NTRK3: variants seen among roughly 807,000 people sequenced by gnomAD.
NTRK3 encodes the protein NT-3 growth factor receptor.
A neutral mutation model predicts 91.7 loss-of-function variants in NTRK3; 24 were observed. The ratio of observed to expected loss-of-function variants is 0.26; its 90% CI spans 0.19 to 0.37. NTRK3 has a LOEUF of 0.37. Among genes scored for constraint, NTRK3 ranks in the 10% least tolerant of loss-of-function variants. The probability of loss-of-function intolerance (pLI) is 1.00; values close to 1 mark genes in which losing one functional copy is unlikely to be tolerated. For synonymous variants in NTRK3, 483 were observed against 404.0 expected, an observed-to-expected ratio of 1.20 and a Z score of -2.34; for missense variants, 880 against 1,068.9, an observed-to-expected ratio of 0.82 and a Z score of 2.46.
chr15:88,104,316 T>G (rs1027375368), intron 13 of NTRK3, among the ~76,000 whole-genome samples: 1 of 152,246 alleles, frequency 6.6e-6, no homozygotes, highest in Admixed American at 6.5e-5. Flanking sequence ...AAAATACATT[T>G]ATCAGCTTCC....
chr15:87,989,706 AAG>A lies in NTRK3; in HGVS notation c.1585+43149_1585+43150del, dbSNP rs1194693609. On this transcript the variant is annotated intron_variant, in intron 14 of 18. Transcript: ENST00000394480. ...ATCTAGTGCTGACACGAAAAAAAAA[AAG>A]AGATTCTCATGCCTCAGCCACTTAA... Among the ~76,000 whole-genome samples, 4 of 152,270 alleles carry A rather than the reference AAG, an allele frequency of 2.6e-5. No individual in the cohort carries two copies. In the East Asian group the frequency reaches 5.8e-4, roughly 22 times the overall value.
intron 14 of NTRK3, among the ~76,000 whole-genome samples, chr15:88,024,393 T>A (rs2077849966): frequency 6.6e-6 from 1 of 152,212 alleles, no homozygotes; most frequent in Non-Finnish European, 1.5e-5. Flanking sequence ...GTAGGTTGTC[T>A]GCTCTATCCC....
Position 87,880,198 on chromosome 15 carries a change from G to T in NTRK3, c.2292+72C>A, listed in dbSNP as rs2065166764. On this transcript the variant is annotated intron_variant, in intron 18 of 18. Transcript: ENST00000394480. ...TCCCACCTAATGTCTTGTTCAGTAGGTCCAAGTTCTGGGCTGAGATAGCTC... is the reference window on the plus strand; with the variant it reads ...TCCCACCTAATGTCTTGTTCAGTAGTTCCAAGTTCTGGGCTGAGATAGCTC... The T allele has an allele frequency of 1.9e-6, 3 of 1,593,318 alleles. No individual in the cohort carries two copies. In the South Asian group the frequency reaches 3.3e-5, roughly 18 times the overall value.
At chr15:88,179,358 G>A (rs986089702) in intron 5 of NTRK3, among the ~76,000 whole-genome samples, 8 of 152,174 alleles carry the variant, frequency 5.3e-5, no homozygotes, top group African/African-American at 1.9e-4. Context: ...GAGGATTTAG[G>A]TACAGTTCTA....
At chr15:87,930,097 C>T (rs980826510) in intron 16 of NTRK3, among the ~76,000 whole-genome samples, 2 of 152,176 alleles carry the variant, frequency 1.3e-5, no homozygotes, top group Non-Finnish European at 2.9e-5. Flanking sequence ...GCAGTCCACG[C>T]TCAGTGGCCC....
chr15:88,090,619 C>A (rs2048932089), intron 13 of NTRK3, among the ~76,000 whole-genome samples: 2 of 152,168 alleles, frequency 1.3e-5, no homozygotes, highest in Admixed American at 1.3e-4. Context: ...TCCAGCCACT[C>A]CCTGGGGTGT....
At chr15:88,032,716 A>T in intron 14 of NTRK3, 141 bp downstream of exon 14, 1 of 957,292 alleles carries the variant, frequency 1.0e-6, no homozygotes, top group Non-Finnish European at 1.6e-6. Flanking sequence ...AAGTTTTGAA[A>T]CAAACAGGGA....
chr15:88,085,678 T>C (rs556524772), intron 13 of NTRK3, among the ~76,000 whole-genome samples: 8 of 152,184 alleles, frequency 5.3e-5, no homozygotes, highest in Non-Finnish European at 1.0e-4. Context: ...TAAGATACAT[T>C]GCTTACAATT....
intron 14 of NTRK3, among the ~76,000 whole-genome samples, chr15:87,960,454 C>T (rs1297705668): frequency 6.6e-6 from 1 of 151,964 alleles, no homozygotes; most frequent in Non-Finnish European, 1.5e-5. Flanking sequence ...CTCTTGCCCA[C>T]TGACTTCTCA....
At chr15:87,934,999 T>C (rs905849717) in intron 15 of NTRK3, among the ~76,000 whole-genome samples, 1 of 152,202 alleles carries the variant, frequency 6.6e-6, no homozygotes, top group Non-Finnish European at 1.5e-5. Flanking sequence ...TTATCTAGTG[T>C]AACTTTCCCA....
At chr15:87,869,188 C>A (rs2064762953) in exon 19 of NTRK3, 1 of 229,138 alleles carries the variant, frequency 4.4e-6, no homozygotes, top group Non-Finnish European at 8.7e-6. Flanking sequence ...AGAGAAGGCC[C>A]AAACTCCCTC....
intron 13 of NTRK3, among the ~76,000 whole-genome samples, chr15:88,104,850 G>C (rs939213510): frequency 6.6e-6 from 1 of 152,326 alleles, no homozygotes; most frequent in Middle Eastern, 3.4e-3. Flanking sequence ...TAAGAGGCCA[G>C]AGTCAAGGAG....
At chr15:88,149,596 G>A (rs995949442) in intron 5 of NTRK3, among the ~76,000 whole-genome samples, 2 of 152,168 alleles carry the variant, frequency 1.3e-5, no homozygotes, top group Admixed American at 6.5e-5. Flanking sequence ...AACTTCCACT[G>A]TTCCCCCACC....
intron 15 of NTRK3, among the ~76,000 whole-genome samples, chr15:87,940,204 C>T (rs921599520): frequency 5.3e-5 from 8 of 152,106 alleles, no homozygotes; most frequent in Non-Finnish European, 1.0e-4. Context: ...GAAGTGGTTA[C>T]CCAGTCCTCC....
At chr15:87,995,731 A>C (rs1407224665) in intron 14 of NTRK3, among the ~76,000 whole-genome samples, 1 of 152,196 alleles carries the variant, frequency 6.6e-6, no homozygotes, top group African/African-American at 2.4e-5. Context: ...CTCTGTCAAG[A>C]GACAGACAGT....
intron 13 of NTRK3, among the ~76,000 whole-genome samples, chr15:88,054,677 C>G (rs963863240): frequency 5.9e-5 from 9 of 151,844 alleles, no homozygotes; most frequent in Non-Finnish European, 8.8e-5. Context: ...GAGATGAGGC[C>G]AAAATACTCC....
chr15:88,110,745 T>C (rs1251350481), intron 13 of NTRK3, among the ~76,000 whole-genome samples: 3 of 152,120 alleles, frequency 2.0e-5, no homozygotes, highest in Non-Finnish European at 4.4e-5. Flanking sequence ...GGAAACCCTA[T>C]AGCTCGGTGA....
chr15:87,898,277 G>C (rs1032622688), intron 17 of NTRK3, among the ~76,000 whole-genome samples: 8 of 152,214 alleles, frequency 5.3e-5, no homozygotes, highest in South Asian at 2.1e-4. Context: ...TAAAGCCAGA[G>C]ATAGAAGTTA....
chr15:87,883,052 A>C (rs1193853182), intron 17 of NTRK3, among the ~76,000 whole-genome samples: 1 of 151,758 alleles, frequency 6.6e-6, no homozygotes, highest in East Asian at 1.9e-4. Context: ...AGTGCTAAAA[A>C]TACAACTATA....
Sources: gnomAD v4.1 joint callset for allele counts (sites outside exome capture counted in the v4.1 genomes callset) on GRCh38, gnomAD v4.1.1 for gene constraint, MANE v1.5 for transcripts, NCBI Gene and HGNC (gene_info 2026-07-23, HGNC 2026-07-21) for gene names.